Variants in OPCML observed in about 807,000 individuals in gnomAD.
OPCML encodes the protein opioid-binding protein/cell adhesion molecule.
OPCML carries 13 observed loss-of-function variants against 37.8 expected under a neutral mutation model. The ratio of observed to expected loss-of-function variants is 0.34; its 90% CI spans 0.22 to 0.55. OPCML has a LOEUF of 0.55. OPCML is among the 20% of genes least tolerant of loss of function. The pLI, the probability that OPCML is intolerant of heterozygous loss-of-function variation, is 0.91. For missense variants in OPCML, 341 were observed against 435.6 expected, an observed-to-expected ratio of 0.78 and a Z score of 1.93; for synonymous variants, 176 against 168.8, an observed-to-expected ratio of 1.04 and a Z score of -0.33.
chr11:132,633,164 A>G (rs1940259664), intron 3 of OPCML, among the ~76,000 whole-genome samples: 1 of 152,106 alleles, frequency 6.6e-6, no homozygotes, highest in Admixed American at 6.5e-5. Context: ...CCAGTAACAG[A>G]GCACCCAACT....
intron 3 of OPCML, among the ~76,000 whole-genome samples, chr11:132,589,397 C>T (rs1291929688): frequency 6.6e-6 from 1 of 152,044 alleles, no homozygotes; most frequent in African/African-American, 2.4e-5. Flanking sequence ...TTATTTTGTG[C>T]CAAATACTGA....
chr11:133,224,779 T>A (rs1434964782), intron 1 of OPCML, among the ~76,000 whole-genome samples: 1 of 152,230 alleles, frequency 6.6e-6, no homozygotes, highest in Non-Finnish European at 1.5e-5. Context: ...AAAGTACAAA[T>A]GGGGGTCCTA....
chr11:133,381,725 C>T (rs987270333), intron 1 of OPCML, among the ~76,000 whole-genome samples: 1 of 152,188 alleles, frequency 6.6e-6, no homozygotes, highest in African/African-American at 2.4e-5. Context: ...GTCCTACCTG[C>T]CAAAGGATCT....
chr11:133,516,663 G>A (rs1948279732), intron 1 of OPCML, among the ~76,000 whole-genome samples: 1 of 152,120 alleles, frequency 6.6e-6, no homozygotes, highest in Non-Finnish European at 1.5e-5. Context: ...AGTGTCCCCA[G>A]GGTAGATGGT....
chr11:133,025,599 T>C (rs943905354), intron 1 of OPCML: 2 of 462,186 alleles, frequency 4.3e-6, no homozygotes, highest in African/African-American at 4.2e-5. Flanking sequence ...TTTCATTCTT[T>C]TTTAATCAAC....
chr11:133,141,794 A>G (rs1453618051), intron 1 of OPCML, among the ~76,000 whole-genome samples: 1 of 152,206 alleles, frequency 6.6e-6, no homozygotes, highest in East Asian at 1.9e-4. Flanking sequence ...ATACTATTTA[A>G]CCATCCAGGA....
Position 132,479,684 on chromosome 11 carries a change from A to G in OPCML, c.506-42325T>C, listed in dbSNP as rs541805033. Among the ~76,000 whole-genome samples, 299 of 152,134 alleles carry G rather than the reference A, an allele frequency of 2.0e-3. 1 individual carries two copies. Among genetic ancestry groups the G allele is most frequent in the African/African-American group, 4.7e-3 (197 of 41,484 alleles). ...AGTACGCAGCTGGAGATCTGAGAAC[A>G]GGCAGACTGCCTCCTCAAGTGGGTC... On this transcript the variant is annotated intron_variant, in intron 4 of 7. Coordinates refer to ENST00000524381, the MANE Select transcript of OPCML (RefSeq NM_001012393.5).
At chr11:133,389,591 T>C (rs957685386) in intron 1 of OPCML, among the ~76,000 whole-genome samples, 4 of 152,306 alleles carry the variant, frequency 2.6e-5, no homozygotes, top group African/African-American at 9.6e-5. Context: ...ATTATTGTCA[T>C]TGTTATTACT....
At chr11:132,667,544 G>A (rs538787573) in intron 2 of OPCML, among the ~76,000 whole-genome samples, 1 of 152,306 alleles carries the variant, frequency 6.6e-6, no homozygotes, top group South Asian at 2.1e-4. Context: ...ATAACTGTCA[G>A]AGAAAAGTTA....
chr11:133,120,758 G>A (rs534454173), intron 1 of OPCML, among the ~76,000 whole-genome samples: 3 of 152,184 alleles, frequency 2.0e-5, no homozygotes, highest in South Asian at 2.1e-4. Flanking sequence ...TTCATGCTTT[G>A]GCCAGTCTAC....
At chr11:132,517,712 C>T (rs927278459) in intron 4 of OPCML, among the ~76,000 whole-genome samples, 1 of 152,144 alleles carries the variant, frequency 6.6e-6, no homozygotes, top group Non-Finnish European at 1.5e-5. Context: ...GCAATGGGTG[C>T]CTTTCCAATT....
intron 3 of OPCML, among the ~76,000 whole-genome samples, chr11:132,578,868 G>A (rs1003783344): frequency 6.6e-6 from 1 of 152,044 alleles, no homozygotes; most frequent in Non-Finnish European, 1.5e-5. Context: ...TAATATGATA[G>A]CAAAGTCACA....
intron 1 of OPCML, among the ~76,000 whole-genome samples, chr11:133,404,148 G>A (rs985051227): frequency 6.6e-6 from 1 of 152,124 alleles, no homozygotes; most frequent in African/African-American, 2.4e-5. Context: ...TTCACACGAC[G>A]CCCTCCCTGT....
At chr11:132,987,702 T>C (rs1312405124) in intron 1 of OPCML, among the ~76,000 whole-genome samples, 1 of 151,978 alleles carries the variant, frequency 6.6e-6, no homozygotes, top group East Asian at 1.9e-4. Context: ...TGGAGAGAAA[T>C]GAATGAATGC....
chr11:132,843,092 C>CTTTTTTTTTTT (rs56036372), intron 2 of OPCML, among the ~76,000 whole-genome samples: 1 of 123,332 alleles, frequency 8.1e-6, no homozygotes, highest in Non-Finnish European at 1.6e-5. Flanking sequence ...CTTTTTCTTT[C>CTTTTTTTTTTT]TTTTTTTTTT....
chr11:133,359,716 C>G (rs376993803), intron 1 of OPCML, among the ~76,000 whole-genome samples: 1 of 152,078 alleles, frequency 6.6e-6, no homozygotes, highest in Non-Finnish European at 1.5e-5. Context: ...TGTGGGTGGT[C>G]GTTTATGAAT....
chr11:133,218,045 C>A (rs79691461), intron 1 of OPCML, among the ~76,000 whole-genome samples: 4 of 144,620 alleles, frequency 2.8e-5, no homozygotes, highest in African/African-American at 2.5e-5. Flanking sequence ...TACCCTGTCT[C>A]AAAAAAAAAA....
intron 1 of OPCML, among the ~76,000 whole-genome samples, chr11:133,425,675 G>A (rs1476623269): frequency 6.6e-6 from 1 of 152,178 alleles, no homozygotes; most frequent in Non-Finnish European, 1.5e-5. Flanking sequence ...ATTATCACAT[G>A]GAGTAGGGGT....
chr11:133,141,855 A>G (rs1343905069), intron 1 of OPCML, among the ~76,000 whole-genome samples: 1 of 152,176 alleles, frequency 6.6e-6, no homozygotes, highest in African/African-American at 2.4e-5. Flanking sequence ...ATTTCAATCT[A>G]TCAACAAATC....
Sources: gnomAD v4.1 joint callset for allele counts (sites outside exome capture counted in the v4.1 genomes callset) on GRCh38, gnomAD v4.1.1 for gene constraint, MANE v1.5 for transcripts, NCBI Gene and HGNC (gene_info 2026-07-23, HGNC 2026-07-21) for gene names.